The following STXBP4 variants were observed in gnomAD, a reference collection of about 807,000 sequenced individuals.
The protein encoded by STXBP4 is syntaxin binding protein 4, also known as syntaxin-binding protein 4.
In STXBP4, 55 loss-of-function variants were observed where a neutral mutation model predicts 76.1. The ratio of observed to expected loss-of-function variants is 0.72; its 90% CI spans 0.58 to 0.91. STXBP4 has a LOEUF of 0.91. Among genes scored for constraint, STXBP4 ranks in the 40% least tolerant of loss-of-function variants. STXBP4 has a pLI of 0.00. For missense variants in STXBP4, 618 were observed against 636.9 expected (o/e 0.97, Z 0.32); for synonymous variants, 201 against 220.2 (o/e 0.91, Z 0.77).
intron 1 of STXBP4, among the ~76,000 whole-genome samples, chr17:54,973,623 AAATG>A (rs2077429778): frequency 6.6e-6 from 1 of 152,218 alleles, no homozygotes; most frequent in Non-Finnish European, 1.5e-5. Flanking sequence ...CTAAAGCTTT[AAATG>A]AATGCATAAG....
Position 55,123,208 on chromosome 17 carries a change from T to TAGCAGC in STXBP4, c.1490-18101_1490-18096dup, listed in dbSNP as rs1358592199. On this transcript the variant is annotated intron_variant, in intron 16 of 17. Transcript: ENST00000376352. ...CTTTTCATATCAGGATCCCTAAACA[T>TAGCAGC]AGCAGCTTTTGTGTGTGTGTGTCCA... Among the ~76,000 whole-genome samples, 7 of 152,274 alleles carry TAGCAGC rather than the reference T, an allele frequency of 4.6e-5. No homozygotes were observed. The East Asian group carries it at 1.4e-3, about 29-fold the overall frequency.
chr17:55,102,144 T>C (rs1322574359), intron 16 of STXBP4, among the ~76,000 whole-genome samples: 2 of 151,978 alleles, frequency 1.3e-5, no homozygotes, highest in African/African-American at 4.8e-5. Context: ...TTTTTTTTTA[T>C]ACTTTAAGCT....
At chr17:55,178,680 G>A in the STXBP4 span, among the ~76,000 whole-genome samples, 1 of 152,214 alleles carries the variant, frequency 6.6e-6, no homozygotes, top group Non-Finnish European at 1.5e-5. Flanking sequence ...CTATCTGCAA[G>A]CTACAGTAGA....
intron 17 of STXBP4, among the ~76,000 whole-genome samples, chr17:55,156,195 AT>A (rs1337730613): frequency 5.9e-5 from 9 of 152,134 alleles, no homozygotes; most frequent in African/African-American, 2.2e-4. Flanking sequence ...TTTATACTAA[AT>A]TTTTTATAGC....
chr17:55,111,713 C>T (rs1159481136), intron 16 of STXBP4, among the ~76,000 whole-genome samples: 1 of 152,170 alleles, frequency 6.6e-6, no homozygotes, highest in Non-Finnish European at 1.5e-5. Flanking sequence ...CAAGCAGATG[C>T]TGGTGCCATG....
intron 8 of STXBP4, among the ~76,000 whole-genome samples, chr17:55,028,960 C>T (rs963565309): frequency 6.6e-6 from 1 of 151,914 alleles, no homozygotes; most frequent in African/African-American, 2.4e-5. Flanking sequence ...CCATATGTCC[C>T]CTATGGCTTA....
At chr17:54,984,146 A>G (rs923907379) in intron 1 of STXBP4, among the ~76,000 whole-genome samples, 4 of 152,026 alleles carry the variant, frequency 2.6e-5, no homozygotes, top group African/African-American at 7.3e-5. Flanking sequence ...TAGGGTCTCA[A>G]AAGTAGTTGG....
At chr17:55,117,755 A>T (rs894405731) in intron 16 of STXBP4, among the ~76,000 whole-genome samples, 1 of 151,924 alleles carries the variant, frequency 6.6e-6, no homozygotes, top group Non-Finnish European at 1.5e-5. Context: ...ATTTATTTGA[A>T]TTGTTGCCAT....
chr17:55,137,430 C>T (rs2080044020), intron 16 of STXBP4, among the ~76,000 whole-genome samples: 1 of 151,928 alleles, frequency 6.6e-6, no homozygotes, highest in Non-Finnish European at 1.5e-5. Context: ...TTAATCAGCC[C>T]CCATTGATGG....
intron 10 of STXBP4, among the ~76,000 whole-genome samples, chr17:55,038,765 A>C (rs894311906): frequency 3.4e-5 from 5 of 147,318 alleles, no homozygotes; most frequent in African/African-American, 1.4e-4. Context: ...CAAGTACTGT[A>C]TCATTAATGG....
In STXBP4 at chr17:55,170,224, C is replaced by T. The variant is rs1357775951; in HGVS notation, c.*10313C>T. 1 of 152,090 alleles carries T rather than the reference C, an allele frequency of 6.6e-6. No individual in the cohort carries two copies. The highest frequency in any genetic ancestry group is 1.5e-5 in the Non-Finnish European group (1 of 68,002). 9.4% of individuals were successfully genotyped at this position (152,090 alleles called of 1,614,324 possible). On this transcript the variant is annotated 3_prime_UTR_variant, in exon 18 of 18. Transcript: ENST00000376352. ...AAAATGCTTAAAAGGCTTATTAAAGCATGATTTAAAATAGAAATGATTGCC... is the reference window on the plus strand; with the variant it reads ...AAAATGCTTAAAAGGCTTATTAAAGTATGATTTAAAATAGAAATGATTGCC...
intron 7 of STXBP4, among the ~76,000 whole-genome samples, chr17:55,004,573 C>T (rs1476775839): frequency 1.3e-5 from 2 of 151,964 alleles, no homozygotes; most frequent in East Asian, 3.9e-4. Flanking sequence ...TGGTGGCATA[C>T]ACCTGTGGTT....
At chr17:55,077,355 C>A (rs1181790535) in intron 13 of STXBP4, among the ~76,000 whole-genome samples, 1 of 152,274 alleles carries the variant, frequency 6.6e-6, no homozygotes, top group Admixed American at 6.5e-5. Context: ...TTAGGCCACA[C>A]AGATAATGTA....
rs1380080803 is a variant in STXBP4, at chr17:54,999,784, T to G, written c.440T>G (p.Leu147Arg). Residue 147 changes from leucine (L) to arginine (R), a missense_variant, in exon 6 of 18, where the codon CTA (leucine) becomes CGA (arginine). By Grantham distance (102) the Leu-to-Arg change is moderately radical (BLOSUM62 -2). Coordinates refer to ENST00000376352, the MANE Select transcript of STXBP4 (RefSeq NM_178509.6). Reference protein sequence around the residue: ...LSLFSSPPEILIPKTSSTPKT... With the variant: ...LSLFSSPPEIRIPKTSSTPKT... ...CTTTTTTCTTCTCCTCCTGAAATAC[T>G]AATCCCAAAGACCTCATCCACTCCC... 6.8e-6 allele frequency: 11 copies of G among 1,613,498 alleles called. No homozygotes were observed. In the Admixed American group the frequency reaches 1.8e-4, roughly 27 times the overall value.
chr17:55,176,208 A>C (rs1416141729), downstream of STXBP4, among the ~76,000 whole-genome samples: 1 of 152,248 alleles, frequency 6.6e-6, no homozygotes, highest in Non-Finnish European at 1.5e-5. Flanking sequence ...AGAAGAAGGC[A>C]AACTCAGCAC....
At position 55,143,090 on chromosome 17, in the gene STXBP4, C is replaced by T. The variant is rs149410795; in HGVS notation, c.1547+1723C>T. ...GAAAAGATGAGGGCATGAGCATTTA[C>T]TGAGCACTAGCTTGTGCTTAATAGC... is the stretch of plus-strand genomic sequence containing the variant. On this transcript the variant is annotated intron_variant, in intron 17 of 17. Coordinates refer to ENST00000376352, the MANE Select transcript of STXBP4 (RefSeq NM_178509.6). Among the ~76,000 whole-genome samples, 568 of 152,316 alleles carry T rather than the reference C, an allele frequency of 3.7e-3. 3 individuals are homozygous for T. The highest frequency in any genetic ancestry group is 6.8e-3 in the Middle Eastern group (2 of 294).
chr17:55,129,171 G>A (rs1048477803), intron 16 of STXBP4, among the ~76,000 whole-genome samples: 3 of 151,690 alleles, frequency 2.0e-5, no homozygotes, highest in African/African-American at 4.8e-5. Context: ...CTTGTGATCC[G>A]CCCGCCTCGG....
chr17:55,199,016 A>G, the STXBP4 span, among the ~76,000 whole-genome samples: 1 of 152,242 alleles, frequency 6.6e-6, no homozygotes, highest in African/African-American at 2.4e-5. Flanking sequence ...TACTAAGATT[A>G]ATTTACAGAA....
intron 4 of STXBP4, among the ~76,000 whole-genome samples, chr17:54,998,728 G>A (rs1220961465): frequency 6.6e-6 from 1 of 152,168 alleles, no homozygotes; most frequent in East Asian, 1.9e-4. Context: ...GCTCACACCT[G>A]TAATCCGAGC....
Sources: gnomAD v4.1 joint callset for allele counts (sites outside exome capture counted in the v4.1 genomes callset) on GRCh38, gnomAD v4.1.1 for gene constraint, MANE v1.5 for transcripts, NCBI Gene and HGNC (gene_info 2026-07-23, HGNC 2026-07-21) for gene names.